The following STAT3 variants were observed in gnomAD, a reference collection of about 807,000 sequenced individuals.
The protein encoded by STAT3 is DNA-binding protein APRF.
A neutral mutation model predicts 114.3 loss-of-function variants in STAT3; 7 were observed. The ratio of observed to expected loss-of-function variants is 0.06; its 90% confidence interval spans 0.03 to 0.11. The LOEUF (loss-of-function observed/expected upper bound fraction) is 0.11, where lower values mean the gene tolerates loss of function less well. Among genes scored for constraint, STAT3 ranks in the 10% least tolerant of loss-of-function variants. The pLI is 1.00. For missense variants in STAT3, 364 were observed against 960.9 expected, an observed-to-expected ratio of 0.38 and a Z score of 8.21; for synonymous variants, 331 against 354.5, an observed-to-expected ratio of 0.93 and a Z score of 0.74.
At chr17:42,374,694 GA>G (rs2084358478) in intron 1 of STAT3, among the ~76,000 whole-genome samples, 1 of 151,354 alleles carries the variant, frequency 6.6e-6, no homozygotes, top group Non-Finnish European at 1.5e-5. Flanking sequence ...AAGAGAACCT[GA>G]GGTGGCCAAG....
At chr17:42,365,652 G>GTTTTTTTTTTGT (rs758091970) in intron 1 of STAT3, among the ~76,000 whole-genome samples, 3 of 116,916 alleles carry the variant, frequency 2.6e-5, no homozygotes, top group Non-Finnish European at 5.8e-5. Context: ...TTTTTTTTTT[G>GTTTTTTTTTTGT]TTTTTTTTTG....
Position 42,314,371 on chromosome 17 carries a change from C to A in STAT3, c.*1374G>T, listed in dbSNP as rs1362251106. ...CATGTCCAACCTGTAACTCTCTCCC[C>A]CTCTTCTTCCATGAGGTCCTGAGAC... On this transcript the variant is annotated 3_prime_UTR_variant, in exon 24 of 24. Transcript: ENST00000264657. The A allele has an allele frequency of 4.3e-6, 1 of 232,748 alleles. No individual in the cohort carries two copies. The highest frequency in any genetic ancestry group is 2.2e-5 in the African/African-American group (1 of 45,252). 14.4% of individuals were successfully genotyped at this position (232,748 alleles called of 1,614,324 possible).
At chr17:42,317,472 A>G (rs2081296911) in intron 21 of STAT3, 1 of 585,638 alleles carries the variant, frequency 1.7e-6, no homozygotes, top group Non-Finnish European at 3.0e-6. Context: ...GAGACTTTTC[A>G]GCATAACCTT....
At chr17:42,321,374 C>A (rs952055484) in intron 21 of STAT3, among the ~76,000 whole-genome samples, 7 of 151,788 alleles carry the variant, frequency 4.6e-5, no homozygotes, top group Non-Finnish European at 8.8e-5. Context: ...ATCCTCCCGC[C>A]TGGGCCTCCC....
chr17:42,380,270 G>A (rs1016034482), intron 1 of STAT3, among the ~76,000 whole-genome samples: 3 of 149,976 alleles, frequency 2.0e-5, no homozygotes, highest in African/African-American at 4.9e-5. Context: ...CTCCTGACCC[G>A]CCTCGGCCTC....
rs17881805 is a variant in STAT3 at position 42,388,213 on chromosome 17, C to T, written c.-24+66G>A. The T allele has an allele frequency of 2.9e-3, 3,579 of 1,229,716 alleles. 86 individuals are homozygous for T. The African/African-American group carries it at 0.048, about 16-fold the overall frequency. 76.2% of individuals were successfully genotyped at this position (1,229,716 alleles called of 1,614,324 possible). A position where few individuals can be genotyped will look rare whatever the true frequency, so the allele number is the denominator to read the frequency against. ...CAACATCCCCAAGGTCCCAGAGGCC[C>T]CCTGCCGCTGCGGAGCCCCCGGGTC... On this transcript the variant is annotated intron_variant, in intron 1 of 23. Coordinates refer to ENST00000264657, the MANE Select transcript of STAT3 (RefSeq NM_139276.3).
At chr17:42,336,023 T>TC (rs2082216201) in intron 8 of STAT3, among the ~76,000 whole-genome samples, 1 of 152,178 alleles carries the variant, frequency 6.6e-6, no homozygotes. Context: ...TTTCTGGCAC[T>TC]TCTATCCTCC....
rs959919684 is a variant in STAT3, at chr17:42,314,670, T to TA, written c.*1074dup. On this transcript the variant is annotated 3_prime_UTR_variant, in exon 24 of 24. Transcript: ENST00000264657. ...TTACAAAGGAAAATAAGTCTATTTA[T>TA]AAAAAAAAGTCTAAAATGCTTAGAT... The TA allele has an allele frequency of 6.7e-5, 15 of 224,820 alleles. No homozygotes were observed. Among genetic ancestry groups the TA allele is most frequent in the South Asian group, 1.8e-4 (1 of 5,446 alleles). 13.9% of individuals were successfully genotyped at this position (224,820 alleles called of 1,614,324 possible).
Position 42,388,405 on chromosome 17 carries a change from TC to T in STAT3, c.-151del. 2.4e-6 allele frequency: 3 copies of T among 1,231,682 alleles called. No homozygotes were observed. Among genetic ancestry groups the T allele is most frequent in the Non-Finnish European group, 3.0e-6 (3 of 987,900 alleles). 76.3% of individuals were successfully genotyped at this position (1,231,682 alleles called of 1,614,324 possible). On this transcript the variant is annotated 5_prime_UTR_variant, in exon 1 of 24. Coordinates refer to ENST00000264657, the MANE Select transcript of STAT3 (RefSeq NM_139276.3). ...AGACAGCGCCAAGCCGGGGTGCCTG[TC>T]CAGGATCCGGTTGGGGCTTGTTCCC...
chr17:42,342,412 G>A (rs2082481183), intron 4 of STAT3, among the ~76,000 whole-genome samples: 1 of 151,984 alleles, frequency 6.6e-6, no homozygotes, highest in Non-Finnish European at 1.5e-5. Context: ...GAACCTGAGA[G>A]GCAGAGGTTG....
At chr17:42,388,037 C>G in intron 1 of STAT3, 1 of 444,692 alleles carries the variant, frequency 2.2e-6, no homozygotes, top group East Asian at 3.7e-5. Context: ...ACGGTGCCCC[C>G]TCGAGCGCGT....
chr17:42,343,983 C>A lies in STAT3; in HGVS notation c.372+1576G>T, dbSNP rs115340059. Among the ~76,000 whole-genome samples the A allele has an allele frequency of 1.1e-3, 172 of 152,192 alleles. 1 individual carries two copies. Among genetic ancestry groups the A allele is most frequent in the African/African-American group, 3.9e-3 (161 of 41,542 alleles). On this transcript the variant is annotated intron_variant, in intron 4 of 23. Coordinates refer to ENST00000264657, the MANE Select transcript of STAT3 (RefSeq NM_139276.3). ...AATATTTGTACCCTCATTTCTTTTT[C>A]TTTTTGCATAGGCTGGATCCCTCAG...
At position 42,329,397 on chromosome 17, in the gene STAT3, C is replaced by T. The variant is rs746822298; in HGVS notation, c.1281+13G>A. ...AAACACCCCAGTTGTCTTTCATCCCCAACAAAACTTACATCACAATTGGCT... is the reference window on the plus strand; with the variant it reads ...AAACACCCCAGTTGTCTTTCATCCCTAACAAAACTTACATCACAATTGGCT... On this transcript the variant is annotated intron_variant, in intron 14 of 23. Transcript: ENST00000264657. 2.2e-5 allele frequency: 35 copies of T among 1,613,486 alleles called. No homozygotes were observed. The African/African-American group carries it at 4.3e-4, about 20-fold the overall frequency.
chr17:42,356,540 T>TA (rs60663311), intron 1 of STAT3, among the ~76,000 whole-genome samples: 34,508 of 117,672 alleles, frequency 0.29, 4,136 homozygotes, highest in East Asian at 0.41. Context: ...TATATATATA[T>TA]TTTTTTTTTT....
chr17:42,357,709 T>C (rs1334252628), intron 1 of STAT3, among the ~76,000 whole-genome samples: 1 of 152,062 alleles, frequency 6.6e-6, no homozygotes, highest in Non-Finnish European at 1.5e-5. Context: ...ATAAATACTG[T>C]AGCTTTAAAC....
At position 42,324,626 on chromosome 17, in the gene STAT3, T is replaced by C. The variant is rs2081623242; in HGVS notation, c.1600+85A>G. The C allele has an allele frequency of 4.0e-6, 6 of 1,496,604 alleles. No homozygotes were observed. The highest frequency in any genetic ancestry group is 2.4e-5 in the South Asian group (2 of 82,046). 92.7% of individuals were successfully genotyped at this position (1,496,604 alleles called of 1,614,324 possible). A position where few individuals can be genotyped will look rare whatever the true frequency, so the allele number is the denominator to read the frequency against. ...GAAAGAAACATGGCCTAATGCTCAG[T>C]AGACATGGCCCAAATGAACAGCCCT... On this transcript the variant is annotated intron_variant, in intron 17 of 23. Transcript: ENST00000264657. This position sits in a 1 kb window ranked among gnomAD's most constrained non-coding sequence, Gnocchi z 4.5.
At chr17:42,354,974 A>G (rs1273138639) in intron 1 of STAT3, among the ~76,000 whole-genome samples, 1 of 152,162 alleles carries the variant, frequency 6.6e-6, no homozygotes, top group Non-Finnish European at 1.5e-5. Flanking sequence ...GAATATGCAA[A>G]TACTTCCATA....
At chr17:42,364,935 A>C (rs574965085) in intron 1 of STAT3, among the ~76,000 whole-genome samples, 1 of 152,284 alleles carries the variant, frequency 6.6e-6, no homozygotes, top group African/African-American at 2.4e-5. Flanking sequence ...GGTCACTTAC[A>C]TGGAACAATA....
intron 1 of STAT3, among the ~76,000 whole-genome samples, chr17:42,373,002 T>A (rs1034550787): frequency 1.3e-5 from 2 of 152,202 alleles, no homozygotes; most frequent in African/African-American, 2.4e-5. Flanking sequence ...AAGGGGTATA[T>A]GGAAACTCTC....
Sources: gnomAD v4.1 joint callset for allele counts (sites outside exome capture counted in the v4.1 genomes callset) on GRCh38, gnomAD v4.1.1 for gene constraint, Gnocchi (gnomAD v3.1) non-coding constraint, MANE v1.5 for transcripts, NCBI Gene and HGNC (gene_info 2026-07-23, HGNC 2026-07-21) for gene names.